Variants in SMC5 observed in about 807,000 individuals in gnomAD.
The protein encoded by SMC5 is structural maintenance of chromosomes protein 5.
A neutral mutation model predicts 148.3 loss-of-function variants in SMC5; 88 were observed. The observed-to-expected ratio is 0.59, with a 90% CI of 0.50 to 0.71. SMC5 has a LOEUF of 0.71. Ranked by LOEUF, SMC5 falls within the 30% of genes least tolerant of loss-of-function variation. SMC5 has a pLI of 0.00. For synonymous variants in SMC5, 421 were observed against 432.8 expected, an observed-to-expected ratio of 0.97 and a Z score of 0.34; for missense variants, 1,142 against 1,298.9, an observed-to-expected ratio of 0.88 and a Z score of 1.86.
intron 8 of SMC5, among the ~76,000 whole-genome samples, chr9:70,295,821 T>A (rs1165296044): frequency 2.6e-5 from 4 of 152,174 alleles, no homozygotes; most frequent in African/African-American, 7.2e-5. Context: ...TTGCTGGGAT[T>A]GCAGACGTTC....
intron 11 of SMC5, among the ~76,000 whole-genome samples, chr9:70,314,182 C>T (rs914183438): frequency 2.0e-5 from 3 of 152,160 alleles, no homozygotes; most frequent in Admixed American, 6.6e-5. Context: ...TCCATCCTTC[C>T]ATCTTATGAT....
At chr9:70,268,345 C>T (rs187793725) in intron 3 of SMC5, among the ~76,000 whole-genome samples, 17 of 152,136 alleles carry the variant, frequency 1.1e-4, no homozygotes, top group African/African-American at 3.9e-4. Flanking sequence ...ACTGGGGAGT[C>T]TGAGGCAGGA....
chr9:70,326,853 A>G (rs2036092188), intron 17 of SMC5, among the ~76,000 whole-genome samples: 2 of 151,962 alleles, frequency 1.3e-5, no homozygotes, highest in Admixed American at 1.3e-4. Flanking sequence ...TAATGATTCT[A>G]AGGGCAAAAA....
intron 9 of SMC5, among the ~76,000 whole-genome samples, chr9:70,299,728 T>C (rs2035307931): frequency 6.6e-6 from 1 of 151,974 alleles, no homozygotes; most frequent in Non-Finnish European, 1.5e-5. Context: ...TTCCAGAATT[T>C]TGAAGGCCTA....
At chr9:70,284,567 G>C (rs1180120) in intron 7 of SMC5, among the ~76,000 whole-genome samples, 32,737 of 151,994 alleles carry the variant, frequency 0.22, 3,664 homozygotes, top group South Asian at 0.28. Context: ...TAATAAATTT[G>C]AGATCTCTTA....
At chr9:70,260,198 A>G (rs2034073215) in intron 1 of SMC5, among the ~76,000 whole-genome samples, 1 of 149,618 alleles carries the variant, frequency 6.7e-6, no homozygotes, top group Admixed American at 6.6e-5. Flanking sequence ...TCCGCCTCCC[A>G]GTTTCAATCA....
intron 11 of SMC5, chr9:70,311,149 C>T (rs914683979): frequency 1.3e-5 from 2 of 152,158 alleles, no homozygotes; most frequent in Non-Finnish European, 2.9e-5. Context: ...CAGCCTAGCT[C>T]AACTTTTGTC....
At chr9:70,303,522 T>G (rs2035418038) in intron 10 of SMC5, among the ~76,000 whole-genome samples, 1 of 152,224 alleles carries the variant, frequency 6.6e-6, no homozygotes, top group South Asian at 2.1e-4. Flanking sequence ...GTTTTAATTT[T>G]TGTGTGTAAC....
intron 24 of SMC5, among the ~76,000 whole-genome samples, chr9:70,350,932 A>G (rs552240039): frequency 6.6e-6 from 1 of 152,356 alleles, no homozygotes; most frequent in African/African-American, 2.4e-5. Context: ...ATAATTTTTC[A>G]TAATCTAAAA....
intron 3 of SMC5, among the ~76,000 whole-genome samples, chr9:70,270,600 A>C (rs961159227): frequency 1.3e-5 from 2 of 149,654 alleles, no homozygotes; most frequent in Admixed American, 1.3e-4. Context: ...ATTCCAAGGG[A>C]TTAGGAGTTC....
At chr9:70,335,617 T>C (rs2118749862) in intron 17 of SMC5, among the ~76,000 whole-genome samples, 1 of 152,294 alleles carries the variant, frequency 6.6e-6, no homozygotes, top group African/African-American at 2.4e-5. Flanking sequence ...CATAAATGAA[T>C]CTCAGTGAAG....
chr9:70,312,319 CTT>C (rs1186479564), intron 11 of SMC5, among the ~76,000 whole-genome samples: 1 of 152,010 alleles, frequency 6.6e-6, no homozygotes, highest in Admixed American at 6.6e-5. Context: ...CTGCAACAGA[CTT>C]TTAAACCATC....
At chr9:70,313,603 T>C (rs113988431) in intron 11 of SMC5, among the ~76,000 whole-genome samples, 1,806 of 152,058 alleles carry the variant, frequency 0.012, 26 homozygotes, top group African/African-American at 0.04. Flanking sequence ...GTTCAAGCAA[T>C]TCTCCTGCCT....
intron 11 of SMC5, among the ~76,000 whole-genome samples, chr9:70,313,903 T>G (rs536442152): frequency 1.4e-4 from 22 of 152,264 alleles, no homozygotes; most frequent in Middle Eastern, 6.8e-3. Flanking sequence ...GCAGTTAACT[T>G]AGCTGGATTT....
At position 70,347,921 on chromosome 9, in the gene SMC5, A is replaced by T. The variant is rs2036708903; in HGVS notation, c.2772A>T (p.Val924=). ...LDQYRENISQ[V]KERWLNPLKE... ...TTTTATATTGCCTTTATTTGTAGGT[A>T]AAAGAAAGGTGGCTTAATCCTTTAA... The change falls in exon 22 of 25, where the codon GTA becomes GTT. Residue 924 remains valine (V), a splice_region_variant and synonymous_variant. Coordinates refer to ENST00000361138, the MANE Select transcript of SMC5 (RefSeq NM_015110.4). 6.3e-7 allele frequency: 1 copy of T among 1,578,480 alleles called. No individual in the cohort carries two copies. The highest frequency in any genetic ancestry group is 1.2e-5 in the South Asian group (1 of 85,250).
chr9:70,267,484 G>A (rs549867510), intron 2 of SMC5, among the ~76,000 whole-genome samples: 1 of 152,254 alleles, frequency 6.6e-6, no homozygotes, highest in South Asian at 2.1e-4. Context: ...TAACCTGCGC[G>A]ACTGTAGGAA....
Position 70,352,481 on chromosome 9 carries a change from A to G in SMC5, c.*150A>G, listed in dbSNP as rs1007913685. 6 of 736,206 alleles carry G rather than the reference A, an allele frequency of 8.1e-6. No individual in the cohort carries two copies. The highest frequency in any genetic ancestry group is 1.8e-5 in the African/African-American group (1 of 56,570). 45.6% of individuals were successfully genotyped at this position (736,206 alleles called of 1,614,324 possible). A position where few individuals can be genotyped will look rare whatever the true frequency, so the allele number is the denominator to read the frequency against. ...TACAAATAGGTTGATAATGGAAACT[A>G]TAATGACCTTTCCAAAATAGCAGCT... On this transcript the variant is annotated 3_prime_UTR_variant, in exon 25 of 25. Transcript: ENST00000361138.
intron 17 of SMC5, among the ~76,000 whole-genome samples, chr9:70,327,898 T>G (rs1350732251): frequency 6.6e-6 from 1 of 152,144 alleles, no homozygotes; most frequent in Non-Finnish European, 1.5e-5. Flanking sequence ...ATAGGAAGCG[T>G]GGCTGGGAGA....
rs768657230 is a variant in SMC5, at chr9:70,264,283, T to C, written c.186-21T>C. The C allele has an allele frequency of 1.6e-5, 25 of 1,598,370 alleles. No individual in the cohort carries two copies. The African/African-American group carries it at 3.2e-4, about 21-fold the overall frequency. The stretch of plus-strand genomic sequence containing the variant: ...GTGGTTTTGTATCTCTCCTTAATAA[T>C]TTCATCTCTTTATAATTCAGAACAT... On this transcript the variant is annotated intron_variant, in intron 1 of 24. Transcript: ENST00000361138.
Sources: gnomAD v4.1 joint callset for allele counts (sites outside exome capture counted in the v4.1 genomes callset) on GRCh38, gnomAD v4.1.1 for gene constraint, MANE v1.5 for transcripts, NCBI Gene and HGNC (gene_info 2026-07-23, HGNC 2026-07-21) for gene names.